Variants in EYS observed in about 807,000 individuals in gnomAD.
The protein encoded by EYS is EGF-like photoreceptor maintenance factor.
A neutral mutation model predicts 282.1 loss-of-function variants in EYS; 250 were observed. The ratio of observed to expected loss-of-function variants is 0.89; its 90% CI spans 0.80 to 0.98. The LOEUF (loss-of-function observed/expected upper bound fraction) is 0.98, where lower values mean the gene tolerates loss of function less well. EYS is among the 50% of genes least tolerant of loss of function. The pLI is 0.00. For missense variants in EYS, 4,016 were observed against 3,709.0 expected (o/e 1.08, Z -2.15); for synonymous variants, 1,355 against 1,282.9 (o/e 1.06, Z -1.20).
At chr6:64,006,118 C>T (rs185772002) in intron 33 of EYS, among the ~76,000 whole-genome samples, 31 of 152,024 alleles carry the variant, frequency 2.0e-4, no homozygotes, top group Non-Finnish European at 4.3e-4. Flanking sequence ...TATGATTTAC[C>T]ATTTGTTTGG....
intron 2 of EYS, among the ~76,000 whole-genome samples, chr6:65,578,216 T>C (rs988363413): frequency 2.7e-5 from 4 of 150,030 alleles, no homozygotes; most frequent in Non-Finnish European, 4.5e-5. Context: ...AAAATATATA[T>C]ATATACACAC....
chr6:65,154,940 T>G (rs555187161), intron 12 of EYS, among the ~76,000 whole-genome samples: 6 of 151,754 alleles, frequency 4.0e-5, no homozygotes, highest in African/African-American at 1.4e-4. Flanking sequence ...TTATATTATT[T>G]AAAAACAGGA....
chr6:64,838,617 TACACACACAC>T (rs56901295), intron 19 of EYS, among the ~76,000 whole-genome samples: 27 of 149,710 alleles, frequency 1.8e-4, no homozygotes, highest in East Asian at 1.2e-3. Context: ...TCTGTTTCTC[TACACACACAC>T]ACACACACAC....
At chr6:64,885,188 T>C (rs1160773160) in intron 19 of EYS, among the ~76,000 whole-genome samples, 4 of 151,652 alleles carry the variant, frequency 2.6e-5, no homozygotes, top group Non-Finnish European at 5.9e-5. Flanking sequence ...GGATAACAAT[T>C]AATTGAGTTT....
At chr6:65,294,057 C>T (rs1768598605) in intron 12 of EYS, among the ~76,000 whole-genome samples, 1 of 151,300 alleles carries the variant, frequency 6.6e-6, no homozygotes, top group African/African-American at 2.4e-5. Flanking sequence ...GGAGGAGGAT[C>T]ATATGATGGG....
At chr6:63,798,989 A>G (rs1486492546) in intron 37 of EYS, among the ~76,000 whole-genome samples, 692 of 105,502 alleles carry the variant, frequency 6.6e-3, no homozygotes, top group Non-Finnish European at 1.0e-2. Flanking sequence ...ATATGTGTGT[A>G]TATATATATA....
chr6:65,676,735 C>A (rs915767835), intron 1 of EYS, among the ~76,000 whole-genome samples: 2 of 151,572 alleles, frequency 1.3e-5, no homozygotes, highest in Admixed American at 1.3e-4. Flanking sequence ...GAGATTAAAG[C>A]TAGATTAAAA....
chr6:64,756,136 A>G (rs1490658457), intron 22 of EYS, among the ~76,000 whole-genome samples: 1 of 152,194 alleles, frequency 6.6e-6, no homozygotes, highest in East Asian at 1.9e-4. Context: ...AAAATTCTTT[A>G]GGTATTCAAC....
intron 35 of EYS, among the ~76,000 whole-genome samples, chr6:63,972,738 T>G (rs1464360409): frequency 6.6e-6 from 1 of 152,110 alleles, no homozygotes; most frequent in Non-Finnish European, 1.5e-5. Context: ...CCTCTCCCTG[T>G]GTTCATGTGT....
intron 13 of EYS, among the ~76,000 whole-genome samples, chr6:65,028,745 AT>A (rs1192086846): frequency 7.2e-5 from 11 of 152,046 alleles, no homozygotes; most frequent in African/African-American, 2.7e-4. Flanking sequence ...AATTTATGTA[AT>A]TTATCCCCTT....
chr6:64,637,258 C>T, intron 22 of EYS, among the ~76,000 whole-genome samples: 2 of 90,756 alleles, frequency 2.2e-5, no homozygotes, highest in Non-Finnish European at 4.7e-5. Context: ...GAATACTATG[C>T]AGCCATAAAA....
chr6:63,976,497 C>CA (rs1766843535), intron 35 of EYS, among the ~76,000 whole-genome samples: 1 of 151,994 alleles, frequency 6.6e-6, no homozygotes, highest in South Asian at 2.1e-4. Context: ...GATGGAGGCG[C>CA]AAATGAATAC....
intron 29 of EYS, among the ~76,000 whole-genome samples, chr6:64,327,737 AG>A: frequency 6.6e-6 from 1 of 152,302 alleles, no homozygotes; most frequent in African/African-American, 2.4e-5. Flanking sequence ...TCACAGGAAA[AG>A]CAGAAAAAAC....
At position 64,073,845 on chromosome 6, in the gene EYS, C is replaced by A. The variant is rs534952745; in HGVS notation, c.6572-7354G>T. ...AAAGGCAGTGTCTGGAACATTTCCC[C>A]CATAATGTTCTAATTTGTGCTACCT... On this transcript the variant is annotated intron_variant, in intron 32 of 42. Transcript: ENST00000503581. Among the ~76,000 whole-genome samples the A allele has an allele frequency of 2.0e-4, 31 of 151,554 alleles. No homozygotes were observed. In the South Asian group the frequency reaches 6.4e-3, roughly 32 times the overall value.
chr6:65,556,057 A>G (rs192761721), intron 2 of EYS, among the ~76,000 whole-genome samples: 2 of 152,288 alleles, frequency 1.3e-5, no homozygotes, highest in African/African-American at 2.4e-5. Context: ...GCTTTGCTCA[A>G]TGGTCCTTCT....
intron 29 of EYS, among the ~76,000 whole-genome samples, chr6:64,358,761 T>G (rs1262589640): frequency 6.6e-6 from 1 of 151,572 alleles, no homozygotes; most frequent in Non-Finnish European, 1.5e-5. Context: ...TGCCAGAAAA[T>G]GGAAACTGAA....
chr6:63,806,123 C>T (rs1416650434), intron 37 of EYS, 67 bp downstream of exon 37: 3 of 1,351,456 alleles, frequency 2.2e-6, no homozygotes, highest in Non-Finnish European at 3.0e-6. Flanking sequence ...ATTAGAGTGT[C>T]CCTGAGGAAT....
chr6:63,851,973 C>T lies in EYS; in HGVS notation c.7228+12213G>A, dbSNP rs561805389. Among the ~76,000 whole-genome samples, 19 of 151,752 alleles carry T rather than the reference C, an allele frequency of 1.3e-4. No homozygotes were observed. The South Asian group carries it at 1.5e-3, about 12-fold the overall frequency. Reference sequence around the variant, plus strand: ...GAGATCGAGACCATCCCGGCTAAAACGGTGAAACCCCGTCTCTACTAAAAA... The same window carrying T: ...GAGATCGAGACCATCCCGGCTAAAATGGTGAAACCCCGTCTCTACTAAAAA... On this transcript the variant is annotated intron_variant, in intron 36 of 42. Coordinates refer to ENST00000503581, the MANE Select transcript of EYS (RefSeq NM_001142800.2).
chr6:64,321,243 T>A (rs898983859), intron 29 of EYS, among the ~76,000 whole-genome samples: 1 of 151,784 alleles, frequency 6.6e-6, no homozygotes, highest in African/African-American at 2.4e-5. Context: ...TTACAGTCTC[T>A]CCACTATCAT....
Sources: allele counts gnomAD v4.1 joint callset (sites outside exome capture counted in the v4.1 genomes callset), GRCh38; gene constraint gnomAD v4.1.1; transcripts MANE v1.5; gene names NCBI Gene and HGNC (gene_info 2026-07-23, HGNC 2026-07-21).